The following TPCN1 variants were observed in gnomAD, a reference collection of about 807,000 sequenced individuals.
The protein encoded by TPCN1 is two pore segment channel 1, also known as two pore channel protein 1.
Under a neutral mutation model 108.8 loss-of-function variants are expected in TPCN1, and 52 were observed. The observed-to-expected ratio is 0.48, with a 90% confidence interval of 0.38 to 0.60. The LOEUF (loss-of-function observed/expected upper bound fraction) is 0.60. Among genes scored for constraint, TPCN1 ranks in the 20% least tolerant of loss-of-function variants. TPCN1 has a pLI of 0.00. For synonymous variants in TPCN1, 446 were observed against 433.7 expected (o/e 1.03, Z -0.35); for missense variants, 806 against 1,072.8 (o/e 0.75, Z 3.47).
intron 22 of TPCN1, 119 bp from the exon 23 acceptor site, chr12:113,290,825 CCAAGCGGT>C (rs1283756844): frequency 3.1e-5 from 27 of 863,646 alleles, no homozygotes; most frequent in Non-Finnish European, 5.0e-5. Context: ...AGCTCACAAC[CCAAGCGGT>C]CATATGGTGA....
In TPCN1 at chr12:113,268,911, G is replaced by A; in HGVS notation, c.659+39G>A. 6.2e-7 allele frequency: 1 copy of A among 1,611,518 alleles called. No individual in the cohort carries two copies. ...GGGGAGCTGGGCAGTCACTATCCTGGCATGGCCTGACCTCTGGGCCAGTGG... is the reference window on the plus strand; with the variant it reads ...GGGGAGCTGGGCAGTCACTATCCTGACATGGCCTGACCTCTGGGCCAGTGG... On this transcript the variant is annotated intron_variant, in intron 6 of 27. Transcript: ENST00000335509. The surrounding 1 kb of genome is among the most constrained non-coding windows in gnomAD (Gnocchi z 7.3).
In TPCN1 at chr12:113,284,471, C is replaced by T; in HGVS notation, c.1343-110C>T. 1.6e-6 allele frequency: 2 copies of T among 1,238,926 alleles called. No individual in the cohort carries two copies. The highest frequency in any genetic ancestry group is 2.4e-6 in the Non-Finnish European group (2 of 848,178). 76.7% of individuals were successfully genotyped at this position (1,238,926 alleles called of 1,614,324 possible). A position where few individuals can be genotyped will look rare whatever the true frequency, so the allele number is the denominator to read the frequency against. ...AATGGGTGTGTGGAGCAGCCCTGTT[C>T]TCCCCATCCCGTAGAGCTCCAGGAA... On this transcript the variant is annotated intron_variant, in intron 15 of 27. Coordinates refer to ENST00000335509, the MANE Select transcript of TPCN1 (RefSeq NM_017901.6). The surrounding 1 kb of genome is among the most constrained non-coding windows in gnomAD (Gnocchi z 4.1).
chr12:113,234,116 G>A (rs1270901485), intron 2 of TPCN1, among the ~76,000 whole-genome samples: 5 of 152,190 alleles, frequency 3.3e-5, no homozygotes, highest in Non-Finnish European at 7.4e-5. Flanking sequence ...AACTGATGGC[G>A]TTTCATGGTG....
chr12:113,225,286 T>C (rs1339999066), intron 1 of TPCN1: 4 of 451,494 alleles, frequency 8.9e-6, no homozygotes, highest in Non-Finnish European at 1.8e-5. Flanking sequence ...CTTGAACTGC[T>C]AGGCTCAAGC....
intron 18 of TPCN1, among the ~76,000 whole-genome samples, chr12:113,286,432 G>A (rs939087308): frequency 6.6e-6 from 1 of 152,234 alleles, no homozygotes. Flanking sequence ...CCGCGAGGGT[G>A]AGCGGGTTAA....
rs994666007 is a variant in TPCN1 at position 113,289,744 on chromosome 12, T to G, written c.1797-384T>G. 1.7e-4 allele frequency among the ~76,000 whole-genome samples: 26 copies of G among 152,328 alleles called. No individual in the cohort carries two copies. Among genetic ancestry groups the G allele is most frequent in the African/African-American group, 6.3e-4 (26 of 41,570 alleles). On this transcript the variant is annotated intron_variant, in intron 21 of 27. Coordinates refer to ENST00000335509, the MANE Select transcript of TPCN1 (RefSeq NM_017901.6). This position sits in a 1 kb window ranked among gnomAD's most constrained non-coding sequence, Gnocchi z 4.1. Reference sequence around the variant, plus strand: ...TATTGGGGAAGCCCCAGTAGGGAATTCCTTCCCTGGGACTGTGGCCTAGTG... The same window carrying G: ...TATTGGGGAAGCCCCAGTAGGGAATGCCTTCCCTGGGACTGTGGCCTAGTG...
At chr12:113,244,326 T>G in intron 2 of TPCN1, 2 of 985,508 alleles carry the variant, frequency 2.0e-6, no homozygotes, top group Non-Finnish European at 2.4e-6. Flanking sequence ...GCAATTCAAC[T>G]GGGAGGGCTC....
chr12:113,292,838 AG>A (rs772337508), intron 25 of TPCN1, 95 bp from the exon 26 acceptor site: 10 of 1,401,476 alleles, frequency 7.1e-6, no homozygotes, highest in Non-Finnish European at 9.7e-6. Context: ...GAGAACCTTA[AG>A]ACCCCCTGCG....
chr12:113,267,987 C>A, intron 5 of TPCN1, 31 bp downstream of exon 5: 1 of 1,467,362 alleles, frequency 6.8e-7, no homozygotes, highest in Non-Finnish European at 9.5e-7. Context: ...TCCCTCCCCT[C>A]ACAGCCTTTT....
rs560238939 is a variant in TPCN1 at position 113,281,041 on chromosome 12, G to A, written c.1342+846G>A. On this transcript the variant is annotated intron_variant, in intron 15 of 27. Coordinates refer to ENST00000335509, the MANE Select transcript of TPCN1 (RefSeq NM_017901.6). Reference sequence around the variant, plus strand: ...AAGACTGATTTCATCAATCTTACACGTCTAGATTCTCAATCCTTTTTTTTT... The same window carrying A: ...AAGACTGATTTCATCAATCTTACACATCTAGATTCTCAATCCTTTTTTTTT... 3.9e-5 allele frequency among the ~76,000 whole-genome samples: 6 copies of A among 151,960 alleles called. No homozygotes were observed. The South Asian group carries it at 1.2e-3, about 32-fold the overall frequency.
intron 15 of TPCN1, among the ~76,000 whole-genome samples, chr12:113,281,022 GATTTCA>G (rs1314464859): frequency 6.6e-6 from 1 of 152,056 alleles, no homozygotes; most frequent in Non-Finnish European, 1.5e-5. Context: ...GTGTAAGACT[GATTTCA>G]TCAATCTTAC....
At chr12:113,275,585 T>A (rs1388968047) in intron 10 of TPCN1, among the ~76,000 whole-genome samples, 1 of 150,956 alleles carries the variant, frequency 6.6e-6, no homozygotes, top group Admixed American at 6.6e-5. Flanking sequence ...TCCTTTTTTT[T>A]TTTTTGAGAC....
chr12:113,254,866 C>T (rs1301744864), intron 2 of TPCN1, among the ~76,000 whole-genome samples: 1 of 152,216 alleles, frequency 6.6e-6, no homozygotes, highest in Non-Finnish European at 1.5e-5. Context: ...GGTAAGATCT[C>T]ACAACAAACT....
Position 113,257,871 on chromosome 12 carries a change from C to T in TPCN1, c.113-2497C>T, listed in dbSNP as rs191216355. On this transcript the variant is annotated intron_variant, in intron 2 of 27. Coordinates refer to ENST00000335509, the MANE Select transcript of TPCN1 (RefSeq NM_017901.6). ...GTGGATGAGTTTTTAAATAATTATTCTGAGTGAAAGAATCCAAGCAAAAAA... is the reference window on the plus strand; with the variant it reads ...GTGGATGAGTTTTTAAATAATTATTTTGAGTGAAAGAATCCAAGCAAAAAA... Among the ~76,000 whole-genome samples, 824 of 152,076 alleles carry T rather than the reference C, an allele frequency of 5.4e-3. 7 individuals are homozygous for T. Among genetic ancestry groups the T allele is most frequent in the African/African-American group, 0.018 (763 of 41,482 alleles).
intron 27 of TPCN1, among the ~76,000 whole-genome samples, chr12:113,294,846 G>C (rs1037091494): frequency 3.0e-4 from 45 of 152,138 alleles, no homozygotes; most frequent in African/African-American, 1.1e-3. Context: ...TCCCACACCA[G>C]CTATGGTGGC....
Position 113,284,656 on chromosome 12 carries a change from C to A in TPCN1, c.1399+19C>A. 3 of 1,614,238 alleles carry A rather than the reference C, an allele frequency of 1.9e-6. No homozygotes were observed. The highest frequency in any genetic ancestry group is 2.5e-6 in the Non-Finnish European group (3 of 1,180,032). ...CTGAAAGGTGAGCCCCGCTCAGGGA[C>A]TGGCCGTGTCCTGGCCGGCACACCT... On this transcript the variant is annotated intron_variant, in intron 16 of 27. Coordinates refer to ENST00000335509, the MANE Select transcript of TPCN1 (RefSeq NM_017901.6). The surrounding 1 kb of genome is among the most constrained non-coding windows in gnomAD (Gnocchi z 4.1).
intron 18 of TPCN1, 129 bp from the exon 19 acceptor site, chr12:113,286,858 G>T (rs543951828): frequency 1.5e-6 from 1 of 681,764 alleles, no homozygotes; most frequent in East Asian, 2.5e-5. Flanking sequence ...TCCCGCAGCC[G>T]GCTGGTTCCT....
At chr12:113,286,197 T>C (rs981218067) in intron 18 of TPCN1, among the ~76,000 whole-genome samples, 2 of 152,196 alleles carry the variant, frequency 1.3e-5, no homozygotes, top group Non-Finnish European at 2.9e-5. Flanking sequence ...AAACGGCCTC[T>C]TGAGGTGCCA....
Position 113,284,782 on chromosome 12 carries a change from G to C in TPCN1, c.1453+11G>C. The C allele has an allele frequency of 6.2e-7, 1 of 1,614,066 alleles. No homozygotes were observed. Among genetic ancestry groups the C allele is most frequent in the South Asian group, 1.1e-5 (1 of 91,082 alleles). On this transcript the variant is annotated intron_variant, in intron 17 of 27. Coordinates refer to ENST00000335509, the MANE Select transcript of TPCN1 (RefSeq NM_017901.6). The surrounding 1 kb of genome is among the most constrained non-coding windows in gnomAD (Gnocchi z 4.1). ...TCGTCTTTCTAACTAGTACGTTTCC[G>C]ACATGGCTTTGCTGGACTGCTTGTT...
Sources: gnomAD v4.1 joint callset for allele counts (sites outside exome capture counted in the v4.1 genomes callset) on GRCh38, gnomAD v4.1.1 for gene constraint, Gnocchi (gnomAD v3.1) non-coding constraint, MANE v1.5 for transcripts, NCBI Gene and HGNC (gene_info 2026-07-23, HGNC 2026-07-21) for gene names.